The following APOLD1 variants were observed in gnomAD, a reference collection of about 807,000 sequenced individuals.
APOLD1 encodes the protein apolipoprotein L domain-containing protein 1.
APOLD1 carries 22 observed loss-of-function variants against 15.3 expected under a neutral mutation model. The observed-to-expected ratio is 1.44, with a 90% confidence interval of 1.03 to 2.05. The LOEUF is 2.05. APOLD1 is among the 30% of genes most tolerant of loss of function. The pLI is 0.00. For synonymous variants in APOLD1, 190 were observed against 167.4 expected (o/e 1.13, Z -1.04); for missense variants, 394 against 353.5 (o/e 1.11, Z -0.92).
Position 12,752,592 on chromosome 12 carries a change from CTATAAG to C in APOLD1, c.96+26499_96+26504del, listed in dbSNP as rs1946820310. On this transcript the variant is annotated intron_variant, in intron 1 of 1. Coordinates refer to the APOLD1 transcript ENST00000326765. ...TACAATCTCTTGTAGCTCCCAATTT[CTATAAG>C]TAGTGGAGAAAATTTAAAAAAAAAA... is the stretch of plus-strand genomic sequence containing the variant. 2.0e-5 allele frequency among the ~76,000 whole-genome samples: 3 copies of C among 151,924 alleles called. No homozygotes were observed. The South Asian group carries it at 6.2e-4, about 31-fold the overall frequency.
chr12:12,785,843 G>C (rs1947119749), intron 1 of APOLD1, 149 bp downstream of exon 1: 3 of 769,168 alleles, frequency 3.9e-6, no homozygotes, highest in Admixed American at 2.2e-5. Flanking sequence ...TCTAGACTGG[G>C]CTCTGTGAAG....
chr12:12,789,935 T>C lies in APOLD1; in HGVS notation c.*2283T>C, dbSNP rs1233644740. Reference sequence around the variant, plus strand: ...TGCAATTGGTCTGTATGCTGGTTTATTTTGAAATTTATATTGGTTTCTTTT... The same window carrying C: ...TGCAATTGGTCTGTATGCTGGTTTACTTTGAAATTTATATTGGTTTCTTTT... On this transcript the variant is annotated 3_prime_UTR_variant, in exon 2 of 2. Coordinates refer to ENST00000356591, the MANE Select transcript of APOLD1 (RefSeq NM_030817.3). The C allele has an allele frequency of 6.6e-6, 1 of 152,162 alleles. No homozygotes were observed. The highest frequency in any genetic ancestry group is 1.5e-5 in the Non-Finnish European group (1 of 68,022). The allele number at this position is 152,162 out of a possible 1,614,324, so 9.4% of individuals were successfully genotyped here. A position where few individuals can be genotyped will look rare whatever the true frequency, so the allele number is the denominator to read the frequency against.
upstream of APOLD1, chr12:12,785,469 C>T (rs1947116397): frequency 4.7e-6 from 3 of 633,928 alleles, no homozygotes; most frequent in African/African-American, 1.8e-5. Flanking sequence ...AAAGCGAACA[C>T]ACAATGTTCG....
At chr12:12,750,535 C>T (rs965335990) in intron 1 of APOLD1, among the ~76,000 whole-genome samples, 1 of 152,026 alleles carries the variant, frequency 6.6e-6, no homozygotes, top group Non-Finnish European at 1.5e-5. Flanking sequence ...ATTTCTTGGA[C>T]ATTAATTTCT....
chr12:12,780,410 C>T (rs1020720448), intron 1 of APOLD1, among the ~76,000 whole-genome samples: 1 of 151,656 alleles, frequency 6.6e-6, no homozygotes, highest in African/African-American at 2.4e-5. Context: ...ACCACCGAGG[C>T]GCCTGCCTCA....
chr12:12,779,624 A>G (rs1300682156), intron 1 of APOLD1, among the ~76,000 whole-genome samples: 1 of 152,200 alleles, frequency 6.6e-6, no homozygotes, highest in Non-Finnish European at 1.5e-5. Flanking sequence ...AGGAAAAAAA[A>G]TGTACACAGA....
At chr12:12,746,851 T>C (rs1946770675) in intron 1 of APOLD1, among the ~76,000 whole-genome samples, 1 of 152,192 alleles carries the variant, frequency 6.6e-6, no homozygotes, top group Non-Finnish European at 1.5e-5. Context: ...TGTCTGTGTG[T>C]ACCCAATGTT....
chr12:12,756,684 T>C (rs2136383283), intron 1 of APOLD1, among the ~76,000 whole-genome samples: 1 of 152,346 alleles, frequency 6.6e-6, no homozygotes, highest in East Asian at 1.9e-4. Flanking sequence ...TCTTCTCCCC[T>C]GTCCCCTGGA....
upstream of APOLD1, among the ~76,000 whole-genome samples, chr12:12,783,061 C>G (rs1271307113): frequency 6.6e-6 from 1 of 151,706 alleles, no homozygotes; most frequent in African/African-American, 2.4e-5. Context: ...CAAAAATTAG[C>G]CAGGTGTAGT....
At chr12:12,777,923 T>TTTTTTTTTTTTGTTG (rs1555092183) in intron 1 of APOLD1, among the ~76,000 whole-genome samples, 4 of 121,568 alleles carry the variant, frequency 3.3e-5, no homozygotes, top group Admixed American at 9.1e-5. Flanking sequence ...TTTTTTTTTT[T>TTTTTTTTTTTTGTTG]TTGTTGTTGT....
In APOLD1 at chr12:12,750,186, A is replaced by G. The variant is rs567547059; in HGVS notation, c.96+24090A>G. On this transcript the variant is annotated intron_variant, in intron 1 of 1. Coordinates refer to the APOLD1 transcript ENST00000326765. ...TTGGGAGTTCGAGACCGGCCTGACC[A>G]ACATGGAGAAACCCTGTCTCTACTA... Among the ~76,000 whole-genome samples, 114 of 152,246 alleles carry G rather than the reference A, an allele frequency of 7.5e-4. 1 individual carries two copies. Among genetic ancestry groups the G allele is most frequent in the Admixed American group, 2.7e-3 (42 of 15,290 alleles).
rs149029187 is a variant in APOLD1 at position 12,757,469 on chromosome 12, A to C, written c.97-29440A>C. Reference sequence around the variant, plus strand: ...GCTTTAAAAAGTAATAACTCATTTTACTTAACTTTTTAAACTGAAACATAA... The same window carrying C: ...GCTTTAAAAAGTAATAACTCATTTTCCTTAACTTTTTAAACTGAAACATAA... On this transcript the variant is annotated intron_variant, in intron 1 of 1. Transcript: ENST00000326765. 1.7e-3 allele frequency among the ~76,000 whole-genome samples: 261 copies of C among 152,310 alleles called. 10 individuals are homozygous for C. In the East Asian group the frequency reaches 0.046, roughly 27 times the overall value.
chr12:12,771,330 T>TG (rs1474778387), intron 1 of APOLD1: 1 of 237,374 alleles, frequency 4.2e-6, no homozygotes, highest in Non-Finnish European at 8.4e-6. Context: ...GTGTCATGCC[T>TG]GGTGGCCCCC....
chr12:12,738,199 G>A (rs1306885238), intron 1 of APOLD1, among the ~76,000 whole-genome samples: 1 of 111,588 alleles, frequency 9.0e-6, no homozygotes, highest in Non-Finnish European at 1.8e-5. Flanking sequence ...GAGCAAGCAA[G>A]TCCTTTTTTT....
chr12:12,769,990 CA>C (rs1244347640), intron 1 of APOLD1, among the ~76,000 whole-genome samples: 2 of 151,786 alleles, frequency 1.3e-5, no homozygotes, highest in African/African-American at 2.4e-5. Context: ...TACTAAAAGG[CA>C]AAAAAACATA....
chr12:12,782,462 C>T (rs1429556645), upstream of APOLD1, among the ~76,000 whole-genome samples: 2 of 152,184 alleles, frequency 1.3e-5, no homozygotes, highest in African/African-American at 4.8e-5. Context: ...TGAATTTCCT[C>T]ATGGTTCGAG....
intron 1 of APOLD1, among the ~76,000 whole-genome samples, chr12:12,767,018 G>A (rs924140600): frequency 5.3e-5 from 8 of 152,050 alleles, no homozygotes; most frequent in African/African-American, 1.9e-4. Flanking sequence ...GGCCAAGGTG[G>A]GTGGATCACC....
chr12:12,731,096 G>C (rs528327322), intron 1 of APOLD1, among the ~76,000 whole-genome samples: 448 of 152,236 alleles, frequency 2.9e-3, no homozygotes, highest in Non-Finnish European at 4.3e-3. Context: ...GGCCGAGATC[G>C]CACCACTGCA....
At chr12:12,758,417 T>C (rs1219879140) in intron 1 of APOLD1, among the ~76,000 whole-genome samples, 1 of 152,042 alleles carries the variant, frequency 6.6e-6, no homozygotes, top group Non-Finnish European at 1.5e-5. Flanking sequence ...TGGTGGTGCA[T>C]GCCTGTAATC....
Sources: gnomAD v4.1 joint callset for allele counts (sites outside exome capture counted in the v4.1 genomes callset) on GRCh38, gnomAD v4.1.1 for gene constraint, MANE v1.5 for transcripts, NCBI Gene and HGNC (gene_info 2026-07-23, HGNC 2026-07-21) for gene names.